The following TMEM123 variants were observed in gnomAD, a reference collection of about 807,000 sequenced individuals.
TMEM123 encodes the protein transmembrane protein 123.
TMEM123 carries 16 observed loss-of-function variants against 19.7 expected under a neutral mutation model. The ratio of observed to expected loss-of-function variants is 0.81; its 90% CI spans 0.55 to 1.23. TMEM123 has a LOEUF of 1.23. Ranked by LOEUF, TMEM123 falls within the 50% of genes most tolerant of loss-of-function variation. The probability of loss-of-function intolerance (pLI) is 0.00; values close to 1 mark genes in which losing one functional copy is unlikely to be tolerated. For missense variants in TMEM123, 313 were observed against 257.8 expected (o/e 1.21, Z -1.47); for synonymous variants, 118 against 99.4 (o/e 1.19, Z -1.12).
intron 2 of TMEM123, among the ~76,000 whole-genome samples, chr11:102,407,055 C>T (rs946953439): frequency 1.3e-5 from 2 of 152,056 alleles, no homozygotes; most frequent in African/African-American, 4.8e-5. Context: ...ACACATCTGC[C>T]ATCCAGAGGG....
chr11:102,450,555 G>GT (rs1214361951), intron 1 of TMEM123, among the ~76,000 whole-genome samples: 11 of 152,166 alleles, frequency 7.2e-5, no homozygotes, highest in Admixed American at 7.2e-4. Context: ...TTTCAATAAT[G>GT]TTTTTATCTT....
At chr11:102,446,190 T>C (rs1316346670) in intron 2 of TMEM123, among the ~76,000 whole-genome samples, 1 of 152,142 alleles carries the variant, frequency 6.6e-6, no homozygotes, top group African/African-American at 2.4e-5. Context: ...TTATGAAAAA[T>C]AATCTGGGCA....
intron 2 of TMEM123, among the ~76,000 whole-genome samples, chr11:102,418,891 A>C (rs1328224405): frequency 2.6e-5 from 4 of 152,258 alleles, no homozygotes; most frequent in African/African-American, 9.6e-5. Context: ...CATTATCCTA[A>C]GCAAATTAAC....
At chr11:102,432,086 A>C (rs897604254) in intron 2 of TMEM123, among the ~76,000 whole-genome samples, 3 of 152,200 alleles carry the variant, frequency 2.0e-5, no homozygotes, top group Non-Finnish European at 4.4e-5. Flanking sequence ...AATCTAGTAC[A>C]TTGGTACTGG....
At chr11:102,423,349 G>A (rs956068843) in intron 2 of TMEM123, among the ~76,000 whole-genome samples, 3 of 152,176 alleles carry the variant, frequency 2.0e-5, no homozygotes, top group East Asian at 1.9e-4. Flanking sequence ...GATGCTATAC[G>A]ACTTCTGAGG....
chr11:102,452,302 G>C, intron 1 of TMEM123: 1 of 397,126 alleles, frequency 2.5e-6, no homozygotes, highest in Admixed American at 4.4e-5. Context: ...AAAAGCGAGA[G>C]GGGAAGCACC....
chr11:102,449,090 TAAC>T, intron 1 of TMEM123: 1 of 475,192 alleles, frequency 2.1e-6, no homozygotes, highest in South Asian at 2.1e-5. Context: ...CTAGCTTACA[TAAC>T]AAACACTTAC....
intron 2 of TMEM123, among the ~76,000 whole-genome samples, chr11:102,438,686 T>C (rs1359797219): frequency 3.9e-5 from 6 of 152,196 alleles, no homozygotes; most frequent in East Asian, 1.9e-4. Context: ...ATGCAGAAGA[T>C]AGGTGGATTT....
chr11:102,441,896 A>G (rs1857830285), intron 2 of TMEM123, among the ~76,000 whole-genome samples: 2 of 152,222 alleles, frequency 1.3e-5, no homozygotes, highest in South Asian at 4.1e-4. Context: ...AGAAATACAA[A>G]CTACCATCAG....
At position 102,397,326 on chromosome 11, in the gene TMEM123, A is replaced by G. The variant is rs1951865964; in HGVS notation, c.*1541T>C. ...TTGTACTCCTATTAAATGTAGGTGCATGTTCATTAGGACATCTGAGCTATT... is the reference window on the plus strand; with the variant it reads ...TTGTACTCCTATTAAATGTAGGTGCGTGTTCATTAGGACATCTGAGCTATT... On this transcript the variant is annotated 3_prime_UTR_variant, in exon 5 of 5. Transcript: ENST00000398136. 1 of 152,212 alleles carries G rather than the reference A, an allele frequency of 6.6e-6. No homozygotes were observed. Among genetic ancestry groups the G allele is most frequent in the African/African-American group, 2.4e-5 (1 of 41,462 alleles). The allele number at this position is 152,212 out of a possible 1,614,324, so 9.4% of individuals were successfully genotyped here.
chr11:102,424,669 A>G (rs1045731307), intron 2 of TMEM123, among the ~76,000 whole-genome samples: 5 of 152,100 alleles, frequency 3.3e-5, no homozygotes, highest in Non-Finnish European at 7.4e-5. Context: ...AGCCTGGGTG[A>G]CAGAGCAAGA....
chr11:102,404,273 G>C (rs1404605104), intron 2 of TMEM123, among the ~76,000 whole-genome samples: 1 of 152,058 alleles, frequency 6.6e-6, no homozygotes, highest in Non-Finnish European at 1.5e-5. Flanking sequence ...AAGACAGACA[G>C]ATTGATATTT....
intron 2 of TMEM123, among the ~76,000 whole-genome samples, chr11:102,422,923 A>G (rs955162967): frequency 6.6e-6 from 1 of 152,228 alleles, no homozygotes; most frequent in Non-Finnish European, 1.5e-5. Flanking sequence ...TACCCAGAAC[A>G]GAGCTGAAAG....
intron 2 of TMEM123, among the ~76,000 whole-genome samples, chr11:102,407,954 A>G (rs1951970084): frequency 6.6e-6 from 1 of 152,242 alleles, no homozygotes; most frequent in South Asian, 2.1e-4. Context: ...TCTCTGTGCA[A>G]CGGTACAACT....
intron 4 of TMEM123, 149 bp downstream of exon 4, chr11:102,401,390 T>G: frequency 3.2e-6 from 2 of 626,538 alleles, no homozygotes; most frequent in Non-Finnish European, 4.8e-6. Context: ...CATAAACAAT[T>G]TACTTTGGGC....
chr11:102,401,736 T>G, intron 3 of TMEM123, 44 bp from the exon 4 acceptor site: 1 of 1,541,438 alleles, frequency 6.5e-7, no homozygotes, highest in African/African-American at 1.4e-5. Flanking sequence ...GTTATTTTTT[T>G]TTTTTTAACA....
At chr11:102,409,047 T>G (rs1951980183) in intron 2 of TMEM123, among the ~76,000 whole-genome samples, 1 of 152,174 alleles carries the variant, frequency 6.6e-6, no homozygotes, top group Non-Finnish European at 1.5e-5. Context: ...AATATTATTC[T>G]CCTTTAACCT....
At position 102,397,499 on chromosome 11, in the gene TMEM123, C is replaced by T. The variant is rs544681250; in HGVS notation, c.*1368G>A. On this transcript the variant is annotated 3_prime_UTR_variant, in exon 5 of 5. Coordinates refer to ENST00000398136, the MANE Select transcript of TMEM123 (RefSeq NM_052932.3). ...AATATAAACTGTAAAATGGAAAACA[C>T]TCCAAAATACATTAGCTAATATTGG... 4.6e-5 allele frequency: 7 copies of T among 152,292 alleles called. No individual in the cohort carries two copies. Among genetic ancestry groups the T allele is most frequent in the Middle Eastern group, 3.4e-3 (1 of 294 alleles). The allele number at this position is 152,292 out of a possible 1,614,324, so 9.4% of individuals were successfully genotyped here.
At position 102,437,486 on chromosome 11, in the gene TMEM123, G is replaced by A. The variant is rs573287884; in HGVS notation, c.157+11326C>T. 6.8e-4 allele frequency among the ~76,000 whole-genome samples: 102 copies of A among 150,924 alleles called. 3 individuals are homozygous for A. Among genetic ancestry groups the A allele is most frequent in the South Asian group, 4.4e-3 (21 of 4,768 alleles). Reference sequence around the variant, plus strand: ...AAAAAAAAAAAAAAATTTTTTTTACGTTTAAAATGTTAAATGTTCCCTTTC... The same window carrying A: ...AAAAAAAAAAAAAAATTTTTTTTACATTTAAAATGTTAAATGTTCCCTTTC... On this transcript the variant is annotated intron_variant, in intron 2 of 4. Transcript: ENST00000398136.
Sources: allele counts gnomAD v4.1 joint callset (sites outside exome capture counted in the v4.1 genomes callset), GRCh38; gene constraint gnomAD v4.1.1; transcripts MANE v1.5; gene names NCBI Gene and HGNC (gene_info 2026-07-23, HGNC 2026-07-21).